Variants in PDZRN3 observed in about 807,000 individuals in gnomAD.
PDZRN3 encodes the protein PDZ domain containing ring finger 3.
A neutral mutation model predicts 85.7 loss-of-function variants in PDZRN3; 38 were observed. The ratio of observed to expected loss-of-function variants is 0.44; its 90% CI spans 0.34 to 0.58. The LOEUF is 0.58. Ranked by LOEUF, PDZRN3 falls within the 20% of genes least tolerant of loss-of-function variation. PDZRN3 has a pLI of 0.01. For synonymous variants in PDZRN3, 759 were observed against 638.0 expected, an observed-to-expected ratio of 1.19 and a Z score of -2.86; for missense variants, 1,629 against 1,506.4, an observed-to-expected ratio of 1.08 and a Z score of -1.35.
At chr3:73,409,391 G>A (rs1701920260) in intron 3 of PDZRN3, among the ~76,000 whole-genome samples, 1 of 152,148 alleles carries the variant, frequency 6.6e-6, no homozygotes, top group Non-Finnish European at 1.5e-5. Flanking sequence ...CACAAAGCTG[G>A]CGAGCTTTCC....
chr3:73,479,441 C>T (rs985187456), intron 3 of PDZRN3, among the ~76,000 whole-genome samples: 1 of 151,856 alleles, frequency 6.6e-6, no homozygotes, highest in South Asian at 2.1e-4. Flanking sequence ...TGCTTGGCCA[C>T]ATTCAATAAC....
At chr3:73,459,345 T>C (rs537484500) in intron 3 of PDZRN3, among the ~76,000 whole-genome samples, 1 of 152,318 alleles carries the variant, frequency 6.6e-6, no homozygotes, top group East Asian at 1.9e-4. Flanking sequence ...TTTAATTTTA[T>C]TTTCTTTCAT....
intron 3 of PDZRN3, among the ~76,000 whole-genome samples, chr3:73,472,249 C>T (rs575588224): frequency 5.0e-4 from 76 of 152,306 alleles, no homozygotes; most frequent in African/African-American, 1.8e-3. Context: ...CAAATCTGCC[C>T]ATAGGGGCTC....
At chr3:73,524,712 C>T (rs949149625) in intron 3 of PDZRN3, among the ~76,000 whole-genome samples, 3 of 152,000 alleles carry the variant, frequency 2.0e-5, no homozygotes, top group African/African-American at 7.3e-5. Context: ...TGGCAAGCTC[C>T]AGTTTAATTA....
chr3:73,469,849 A>G (rs538668022), intron 3 of PDZRN3, among the ~76,000 whole-genome samples: 44 of 152,202 alleles, frequency 2.9e-4, no homozygotes, highest in Non-Finnish European at 5.6e-4. Flanking sequence ...ACTCATGAAA[A>G]TATCTTGGTA....
At chr3:73,499,329 C>T (rs376910431) in intron 3 of PDZRN3, among the ~76,000 whole-genome samples, 23 of 152,124 alleles carry the variant, frequency 1.5e-4, no homozygotes, top group African/African-American at 5.6e-4. Context: ...TATAAACCTA[C>T]GAGGCCCAGG....
intron 3 of PDZRN3, among the ~76,000 whole-genome samples, chr3:73,548,013 A>G (rs1043726839): frequency 4.6e-5 from 7 of 152,190 alleles, no homozygotes; most frequent in African/African-American, 1.7e-4. Flanking sequence ...TTCATAATAC[A>G]CAGGGGTTTC....
chr3:73,581,038 G>A (rs1321068595), intron 3 of PDZRN3, among the ~76,000 whole-genome samples: 1 of 152,160 alleles, frequency 6.6e-6, no homozygotes, highest in African/African-American at 2.4e-5. Flanking sequence ...GGGGAGGAGG[G>A]ATACATTTTG....
At chr3:73,465,410 C>G (rs565322792) in intron 3 of PDZRN3, among the ~76,000 whole-genome samples, 1 of 152,302 alleles carries the variant, frequency 6.6e-6, no homozygotes, top group African/African-American at 2.4e-5. Context: ...GTGATCTGAA[C>G]ATTCACTGAG....
At chr3:73,456,939 GA>G (rs141884119) in intron 3 of PDZRN3, among the ~76,000 whole-genome samples, 22,453 of 146,622 alleles carry the variant, frequency 0.15, 1,790 homozygotes, top group African/African-American at 0.19. Context: ...GGAGTAGGGG[GA>G]AAAAAAAAAC....
intron 3 of PDZRN3, among the ~76,000 whole-genome samples, chr3:73,482,602 C>T (rs1453518331): frequency 1.3e-5 from 2 of 152,110 alleles, no homozygotes; most frequent in African/African-American, 4.8e-5. Context: ...ATCATGTACC[C>T]CAAAGGTGGC....
At chr3:73,417,681 T>C (rs1483968763) in intron 3 of PDZRN3, among the ~76,000 whole-genome samples, 2 of 152,206 alleles carry the variant, frequency 1.3e-5, no homozygotes, top group African/African-American at 4.8e-5. Context: ...ATTTGTAATA[T>C]GTATGAATAT....
Position 73,604,098 on chromosome 3 carries a change from A to T in PDZRN3, c.811-1637T>A, listed in dbSNP as rs372259887. 8.8e-4 allele frequency among the ~76,000 whole-genome samples: 134 copies of T among 152,298 alleles called. No homozygotes were observed. In the South Asian group the frequency reaches 0.011, roughly 13 times the overall value. On this transcript the variant is annotated intron_variant, in intron 2 of 9. Transcript: ENST00000263666. Reference sequence around the variant, plus strand: ...GTGCTGTGTAGGATCATCTATCCTCAAAAGGCATCCCTGCCTAGCATCACA... The same window carrying T: ...GTGCTGTGTAGGATCATCTATCCTCTAAAGGCATCCCTGCCTAGCATCACA...
At chr3:73,454,348 T>A (rs1702935925) in intron 3 of PDZRN3, among the ~76,000 whole-genome samples, 1 of 152,072 alleles carries the variant, frequency 6.6e-6, no homozygotes, top group Non-Finnish European at 1.5e-5. Flanking sequence ...ACCTCTTTCT[T>A]TTCCCTCACC....
At position 73,383,554 on chromosome 3, in the gene PDZRN3, C is replaced by T. The variant is rs1211917309; in HGVS notation, c.3012G>A (p.Lys1004=). ...FMMQSRLDCL[K]EQQAADDRKE... ...TCCTGTCATCGGCTGCTTGCTGCTCCTTGAGACAATCCAACCTGCTCTGCA... is the reference window on the plus strand; with the variant it reads ...TCCTGTCATCGGCTGCTTGCTGCTCTTTGAGACAATCCAACCTGCTCTGCA... The change falls in exon 10 of 10, where the codon AAG becomes AAA. Residue 1004 remains lysine, a synonymous_variant. Coordinates refer to ENST00000263666, the MANE Select transcript of PDZRN3 (RefSeq NM_015009.3). 1.9e-6 allele frequency: 3 copies of T among 1,614,196 alleles called. No individual in the cohort carries two copies. Among genetic ancestry groups the T allele is most frequent in the Non-Finnish European group, 2.5e-6 (3 of 1,180,040 alleles).
chr3:73,421,810 G>A (rs1300317848), intron 3 of PDZRN3, among the ~76,000 whole-genome samples: 1 of 152,100 alleles, frequency 6.6e-6, no homozygotes, highest in Non-Finnish European at 1.5e-5. Context: ...ACCACGACCA[G>A]CTCTTTTTTT....
At chr3:73,490,934 G>C (rs534670562) in intron 3 of PDZRN3, among the ~76,000 whole-genome samples, 7 of 152,304 alleles carry the variant, frequency 4.6e-5, no homozygotes, top group Non-Finnish European at 8.8e-5. Context: ...AACGCACGGG[G>C]CTTCTATTTC....
At chr3:73,420,548 C>A (rs1702179176) in intron 3 of PDZRN3, among the ~76,000 whole-genome samples, 1 of 152,196 alleles carries the variant, frequency 6.6e-6, no homozygotes, top group African/African-American at 2.4e-5. Context: ...TCTGTTGAAA[C>A]CCTTATTCTC....
At chr3:73,481,291 C>T (rs561303132) in intron 3 of PDZRN3, among the ~76,000 whole-genome samples, 1 of 152,302 alleles carries the variant, frequency 6.6e-6, no homozygotes, top group South Asian at 2.1e-4. Flanking sequence ...TAGAAATAAC[C>T]AAGAATGAAG....
Sources: gnomAD v4.1 joint callset for allele counts (sites outside exome capture counted in the v4.1 genomes callset) on GRCh38, gnomAD v4.1.1 for gene constraint, MANE v1.5 for transcripts, NCBI Gene and HGNC (gene_info 2026-07-23, HGNC 2026-07-21) for gene names.